CTNNA2: variants seen among roughly 807,000 people sequenced by gnomAD.
The protein encoded by CTNNA2 is catenin alpha-2.
A neutral mutation model predicts 101.0 loss-of-function variants in CTNNA2; 42 were observed. The ratio of observed to expected loss-of-function variants is 0.42; its 90% confidence interval spans 0.32 to 0.54. The LOEUF (loss-of-function observed/expected upper bound fraction) is 0.54. CTNNA2 is among the 20% of genes least tolerant of loss of function. The pLI is 0.14. For synonymous variants in CTNNA2, 450 were observed against 456.4 expected (o/e 0.99, Z 0.18); for missense variants, 871 against 1,223.1 (o/e 0.71, Z 4.29).
chr2:80,014,519 A>G (rs1238610306), intron 7 of CTNNA2, among the ~76,000 whole-genome samples: 1 of 152,016 alleles, frequency 6.6e-6, no homozygotes, highest in African/African-American at 2.4e-5. Flanking sequence ...TTTGATCCTC[A>G]CCAAAGTTTT....
rs533764983 is a variant in CTNNA2 at position 80,031,926 on chromosome 2, TAA to T, written c.1056+122135_1056+122136del. ...CACATGTAATTGTGATAATGGAATG[TAA>T]AAAAAGACGAAATTTGTTTTAAATG... On this transcript the variant is annotated intron_variant, in intron 7 of 18. Coordinates refer to ENST00000402739, the MANE Select transcript of CTNNA2 (RefSeq NM_001282597.3). Among the ~76,000 whole-genome samples the T allele has an allele frequency of 2.0e-4, 31 of 152,328 alleles. 1 individual carries two copies. Among genetic ancestry groups the T allele is most frequent in the Admixed American group, 1.9e-3 (29 of 15,302 alleles).
At chr2:79,897,813 G>T (rs1018570633) in intron 6 of CTNNA2, among the ~76,000 whole-genome samples, 1 of 152,188 alleles carries the variant, frequency 6.6e-6, no homozygotes, top group African/African-American at 2.4e-5. Context: ...ATGTTTGGTT[G>T]TCTGGTGAGG....
chr2:79,616,194 TC>T (rs1365514843), intron 1 of CTNNA2, among the ~76,000 whole-genome samples: 1 of 152,152 alleles, frequency 6.6e-6, no homozygotes, highest in Non-Finnish European at 1.5e-5. Flanking sequence ...ATAGGATAGG[TC>T]TAAATTATTG....
intron 1 of CTNNA2, among the ~76,000 whole-genome samples, chr2:79,548,806 C>T (rs772639508): frequency 6.6e-6 from 1 of 152,138 alleles, no homozygotes; most frequent in South Asian, 2.1e-4. Flanking sequence ...TTCAGCTGGC[C>T]TGGCCTGCCC....
chr2:79,289,471 C>T (rs1256070224), intron 2 of CTNNA2, among the ~76,000 whole-genome samples: 1 of 151,550 alleles, frequency 6.6e-6, no homozygotes, highest in Non-Finnish European at 1.5e-5. Flanking sequence ...GGTTAGAATT[C>T]AGCAACCAGG....
intron 7 of CTNNA2, among the ~76,000 whole-genome samples, chr2:80,179,146 A>G (rs1705594541): frequency 6.6e-6 from 1 of 152,208 alleles, no homozygotes; most frequent in Non-Finnish European, 1.5e-5. Flanking sequence ...AAGGAATGGC[A>G]TTTGCCGAAT....
chr2:80,356,226 C>T (rs1673781283), intron 7 of CTNNA2, among the ~76,000 whole-genome samples: 1 of 152,090 alleles, frequency 6.6e-6, no homozygotes, highest in Admixed American at 6.6e-5. Flanking sequence ...AAGCCAAAAA[C>T]CAGGTAAGTG....
At chr2:80,185,383 C>T (rs1274574249) in intron 7 of CTNNA2, among the ~76,000 whole-genome samples, 2 of 152,118 alleles carry the variant, frequency 1.3e-5, no homozygotes. Flanking sequence ...AGTGACACCC[C>T]ATCACTTTTG....
In CTNNA2 at chr2:79,732,255, G is replaced by A. The variant is rs529434778; in HGVS notation, c.103-12132G>A. On this transcript the variant is annotated intron_variant, in intron 2 of 18. Coordinates refer to ENST00000402739, the MANE Select transcript of CTNNA2 (RefSeq NM_001282597.3). ...CTGCTCTGAGAGATGCCAACAAGTG[G>A]CAATTGAGTTATTCCCAGGTCATTG... 1.5e-4 allele frequency among the ~76,000 whole-genome samples: 23 copies of A among 152,098 alleles called. No homozygotes were observed. The East Asian group carries it at 3.1e-3, about 21-fold the overall frequency.
chr2:79,933,172 G>C lies in CTNNA2; in HGVS notation c.1056+23375G>C, dbSNP rs1687562168. Among the ~76,000 whole-genome samples the C allele has an allele frequency of 2.0e-5, 3 of 152,154 alleles. No homozygotes were observed. The South Asian group carries it at 6.2e-4, about 32-fold the overall frequency. On this transcript the variant is annotated intron_variant, in intron 7 of 18. Transcript: ENST00000402739. The stretch of plus-strand genomic sequence containing the variant: ...CACCATAATCACAATGGTATTTATT[G>C]AGCAACCTCTGTGTAAATTGGGTAG...
intron 4 of CTNNA2, chr2:79,500,876 C>T (rs1159272755): frequency 1.3e-5 from 2 of 152,224 alleles, no homozygotes; most frequent in East Asian, 3.8e-4. Context: ...TCTAAACTAG[C>T]TACCCTAGCA....
intron 7 of CTNNA2, chr2:80,301,932 C>A: frequency 9.2e-6 from 2 of 218,280 alleles, no homozygotes; most frequent in Non-Finnish European, 1.8e-5. Context: ...AAAAAAAAAT[C>A]AATGATTGGT....
chr2:79,254,895 A>G (rs979238155), intron 2 of CTNNA2, among the ~76,000 whole-genome samples: 3 of 152,338 alleles, frequency 2.0e-5, no homozygotes, highest in South Asian at 2.1e-4. Flanking sequence ...TTTCACATTT[A>G]CTAGAAAGAG....
chr2:79,744,595 A>G lies in CTNNA2; in HGVS notation c.298+13A>G. ...GTGCGCAAACAAGGTAGGCAGAATG[A>G]TATTATTGTTCAAGGCGGATCTATA... On this transcript the variant is annotated intron_variant, in intron 3 of 18. Coordinates refer to ENST00000402739, the MANE Select transcript of CTNNA2 (RefSeq NM_001282597.3). 6.2e-7 allele frequency: 1 copy of G among 1,611,566 alleles called. No homozygotes were observed.
intron 7 of CTNNA2, among the ~76,000 whole-genome samples, chr2:80,352,618 AG>A (rs1359048175): frequency 2.6e-5 from 4 of 152,176 alleles, no homozygotes; most frequent in African/African-American, 9.6e-5. Context: ...AGAATTGTAA[AG>A]GAATGGTTGC....
chr2:79,200,802 C>A (rs1342755940), intron 2 of CTNNA2, among the ~76,000 whole-genome samples: 1 of 151,994 alleles, frequency 6.6e-6, no homozygotes, highest in Non-Finnish European at 1.5e-5. Flanking sequence ...TTAAGCTAAT[C>A]CATTGAGCTC....
chr2:79,630,908 C>CATAGATAAGGTATGAA, intron 1 of CTNNA2, among the ~76,000 whole-genome samples: 1 of 152,138 alleles, frequency 6.6e-6, no homozygotes, highest in African/African-American at 2.4e-5. Context: ...TTATTGTATG[C>CATAGATAAGGTATGAA]ATACATAGAT....
At chr2:79,843,093 G>C (rs1212977027) in intron 3 of CTNNA2, among the ~76,000 whole-genome samples, 2 of 152,068 alleles carry the variant, frequency 1.3e-5, no homozygotes, top group African/African-American at 4.8e-5. Flanking sequence ...TGTAACAATG[G>C]GGCAAAAGAA....
At chr2:79,200,519 G>C (rs1245482937) in intron 2 of CTNNA2, among the ~76,000 whole-genome samples, 1 of 152,156 alleles carries the variant, frequency 6.6e-6, no homozygotes, top group African/African-American at 2.4e-5. Flanking sequence ...GCAAAACGGA[G>C]TCTGGCACCT....
Sources: gnomAD v4.1 joint callset for allele counts (sites outside exome capture counted in the v4.1 genomes callset) on GRCh38, gnomAD v4.1.1 for gene constraint, MANE v1.5 for transcripts, NCBI Gene and HGNC (gene_info 2026-07-23, HGNC 2026-07-21) for gene names.